Variants in CDH4 observed in about 807,000 individuals in gnomAD.
CDH4 encodes the protein cadherin 4.
In CDH4, 33 loss-of-function variants were observed where a neutral mutation model predicts 86.0. That is an observed-to-expected ratio of 0.38 (90% CI 0.29 to 0.51). The LOEUF is 0.51. Among genes scored for constraint, CDH4 ranks in the 20% least tolerant of loss-of-function variants. The pLI is 0.86. For synonymous variants in CDH4, 555 were observed against 549.4 expected (o/e 1.01, Z -0.14); for missense variants, 1,114 against 1,307.4 (o/e 0.85, Z 2.28).
chr20:61,652,938 A>ATTTTTTTTTT (rs763918382), intron 2 of CDH4, among the ~76,000 whole-genome samples: 3 of 97,434 alleles, frequency 3.1e-5, no homozygotes, highest in Non-Finnish European at 7.1e-5. Context: ...TTATTTATTT[A>ATTTTTTTTTT]TTTTTTTTTT....
At chr20:61,702,221 A>G (rs371821358) in intron 2 of CDH4, among the ~76,000 whole-genome samples, 17 of 152,228 alleles carry the variant, frequency 1.1e-4, no homozygotes, top group African/African-American at 3.4e-4. Flanking sequence ...TGGCCGCCTC[A>G]TAGGACCATT....
At chr20:61,813,694 G>A (rs917129779) in intron 4 of CDH4, among the ~76,000 whole-genome samples, 5 of 152,112 alleles carry the variant, frequency 3.3e-5, no homozygotes, top group African/African-American at 1.2e-4. Context: ...GGCCTCTTTC[G>A]GGGCTCCAGC....
At chr20:61,773,688 T>C (rs2088806609) in intron 4 of CDH4, among the ~76,000 whole-genome samples, 1 of 152,228 alleles carries the variant, frequency 6.6e-6, no homozygotes, top group African/African-American at 2.4e-5. Flanking sequence ...GTGTTTCTAT[T>C]ATCAAGGCCA....
At chr20:61,720,507 A>G (rs2088026215) in intron 2 of CDH4, among the ~76,000 whole-genome samples, 1 of 96,916 alleles carries the variant, frequency 1.0e-5, no homozygotes, top group Admixed American at 1.3e-4. Flanking sequence ...AGGGATGCAG[A>G]GTGGAGGGGT....
rs927743413 is a variant in CDH4 at position 61,810,126 on chromosome 20, G to A, written c.577-34542G>A. On this transcript the variant is annotated intron_variant, in intron 4 of 15. Transcript: ENST00000614565. The surrounding 1 kb of genome is among the most constrained non-coding windows in gnomAD (Gnocchi z 4.3). ...TCAGACCTGGACGGGCCTCAGCCGGGGTGGGGTGGGGGGCACCTGAGCCTA... is the reference window on the plus strand; with the variant it reads ...TCAGACCTGGACGGGCCTCAGCCGGAGTGGGGTGGGGGGCACCTGAGCCTA... Among the ~76,000 whole-genome samples, 1 of 152,180 alleles carries A rather than the reference G, an allele frequency of 6.6e-6. No homozygotes were observed. Among genetic ancestry groups the A allele is most frequent in the African/African-American group, 2.4e-5 (1 of 41,422 alleles).
chr20:61,428,583 T>A (rs758232860), intron 2 of CDH4, among the ~76,000 whole-genome samples: 7 of 152,286 alleles, frequency 4.6e-5, no homozygotes, highest in Middle Eastern at 3.4e-3. Flanking sequence ...CAGTGTTCAA[T>A]AAGAACAAAC....
intron 2 of CDH4, among the ~76,000 whole-genome samples, chr20:61,281,554 C>A (rs547488064): frequency 6.6e-6 from 1 of 152,348 alleles, no homozygotes; most frequent in Non-Finnish European, 1.5e-5. Flanking sequence ...GCCAGAAAGA[C>A]TGACACCAAG....
chr20:61,583,713 C>T (rs6121709), intron 2 of CDH4, among the ~76,000 whole-genome samples: 3,952 of 152,328 alleles, frequency 0.026, 66 homozygotes, highest in Middle Eastern at 0.075. Context: ...TAGGGGTTAT[C>T]AACTTTGATA....
intron 5 of CDH4, among the ~76,000 whole-genome samples, chr20:61,845,853 G>A (rs111573450): frequency 0.037 from 5,583 of 152,312 alleles, 204 homozygotes; most frequent in African/African-American, 0.081. Flanking sequence ...CAGTGGCACC[G>A]AACAGGGCCC....
chr20:61,476,754 G>C (rs1174174973), intron 2 of CDH4, among the ~76,000 whole-genome samples: 1 of 152,242 alleles, frequency 6.6e-6, no homozygotes, highest in African/African-American at 2.4e-5. Context: ...AAGCAAAACA[G>C]TGTTCCTGAA....
intron 2 of CDH4, among the ~76,000 whole-genome samples, chr20:61,549,935 G>A (rs2086115205): frequency 6.6e-6 from 1 of 152,176 alleles, no homozygotes; most frequent in South Asian, 2.1e-4. Flanking sequence ...GGTGCCAGCT[G>A]GTCCTGGAGT....
At chr20:61,789,774 AACTG>A (rs1979072970) in intron 4 of CDH4, among the ~76,000 whole-genome samples, 1 of 152,214 alleles carries the variant, frequency 6.6e-6, no homozygotes, top group Non-Finnish European at 1.5e-5. Context: ...TGGGAGGTAG[AACTG>A]GTGGAGAAGG....
chr20:61,859,978 G>A (rs540103346), intron 6 of CDH4, among the ~76,000 whole-genome samples: 28 of 152,254 alleles, frequency 1.8e-4, no homozygotes, highest in Non-Finnish European at 4.0e-4. Flanking sequence ...TGGCCCTGGG[G>A]TGGCCCCAGG....
chr20:61,932,473 TCA>T (rs2055122421), intron 13 of CDH4, among the ~76,000 whole-genome samples: 1 of 151,760 alleles, frequency 6.6e-6, no homozygotes, highest in Non-Finnish European at 1.5e-5. Flanking sequence ...ACACATGCAC[TCA>T]CGCCCCATGA....
intron 2 of CDH4, among the ~76,000 whole-genome samples, chr20:61,484,971 C>T (rs1435526172): frequency 6.6e-6 from 1 of 152,214 alleles, no homozygotes; most frequent in African/African-American, 2.4e-5. Context: ...GAAGAAAAGA[C>T]TATTGGGATG....
In CDH4 at chr20:61,438,914, TA is replaced by T. The variant is rs565025226; in HGVS notation, c.169+183989del. ...CCCCAGACAAATAGTAAAAATTAGC[TA>T]AAAAAAAAAAACCAAAAACCTTAAC... is the stretch of plus-strand genomic sequence containing the variant. On this transcript the variant is annotated intron_variant, in intron 2 of 15. Coordinates refer to ENST00000614565, the MANE Select transcript of CDH4 (RefSeq NM_001794.5). Among the ~76,000 whole-genome samples, 215 of 140,816 alleles carry T rather than the reference TA, an allele frequency of 1.5e-3. 6 individuals carry two copies. In the South Asian group the frequency reaches 0.031, roughly 20 times the overall value. The allele number at this position is 140,816 out of a possible 152,430, so 92.4% of individuals were successfully genotyped here. A position where few individuals can be genotyped will look rare whatever the true frequency, so the allele number is the denominator to read the frequency against.
chr20:61,615,743 C>T lies in CDH4; in HGVS notation c.170-127820C>T, dbSNP rs950622565. 2.0e-5 allele frequency among the ~76,000 whole-genome samples: 3 copies of T among 152,150 alleles called. No individual in the cohort carries two copies. The East Asian group carries it at 5.8e-4, about 29-fold the overall frequency. ...CGAGGGTTAGGAGAATTAATGATTT[C>T]TATGAAATCAGCATGTATAAAAGTG... is the stretch of plus-strand genomic sequence containing the variant. On this transcript the variant is annotated intron_variant, in intron 2 of 15. Coordinates refer to ENST00000614565, the MANE Select transcript of CDH4 (RefSeq NM_001794.5).
intron 2 of CDH4, among the ~76,000 whole-genome samples, chr20:61,444,873 TTC>T (rs879935741): frequency 6.7e-6 from 1 of 148,452 alleles, no homozygotes; most frequent in African/African-American, 2.5e-5. Flanking sequence ...GTATGTGTGT[TTC>T]TCTATGTGTG....
intron 2 of CDH4, among the ~76,000 whole-genome samples, chr20:61,630,060 CAG>C (rs1267268463): frequency 1.3e-5 from 2 of 152,158 alleles, no homozygotes; most frequent in Non-Finnish European, 2.9e-5. Flanking sequence ...GGGAGCCTGG[CAG>C]AGGCAGCATC....
Sources: gnomAD v4.1 joint callset for allele counts (sites outside exome capture counted in the v4.1 genomes callset) on GRCh38, gnomAD v4.1.1 for gene constraint, Gnocchi (gnomAD v3.1) non-coding constraint, MANE v1.5 for transcripts, NCBI Gene and HGNC (gene_info 2026-07-23, HGNC 2026-07-21) for gene names.